The following GRM1 variants were observed in gnomAD, a reference collection of about 807,000 sequenced individuals.
GRM1 encodes the protein glutamate metabotropic receptor 1, also known as metabotropic glutamate receptor 1.
In GRM1, 33 loss-of-function variants were observed where a neutral mutation model predicts 90.9. That is an observed-to-expected ratio of 0.36 (90% CI 0.28 to 0.49). GRM1 has a LOEUF of 0.49. GRM1 is among the 20% of genes least tolerant of loss of function. The pLI is 0.99. For synonymous variants in GRM1, 700 were observed against 613.2 expected (o/e 1.14, Z -2.09); for missense variants, 1,190 against 1,534.3 (o/e 0.78, Z 3.75).
At chr6:146,185,021 C>G (rs1778679112) in intron 2 of GRM1, among the ~76,000 whole-genome samples, 1 of 152,136 alleles carries the variant, frequency 6.6e-6, no homozygotes, top group South Asian at 2.1e-4. Flanking sequence ...CATGTAATAT[C>G]TGGTCAACAA....
rs1778598560 is a variant in GRM1 at position 146,436,514 on chromosome 6, A to G, written c.*1718A>G. 1 of 152,212 alleles carries G rather than the reference A, an allele frequency of 6.6e-6. No homozygotes were observed. The highest frequency in any genetic ancestry group is 6.5e-5 in the Admixed American group (1 of 15,278). 9.4% of individuals were successfully genotyped at this position (152,212 alleles called of 1,614,324 possible). Reference sequence around the variant, plus strand: ...CATACAGTAACATCTAACTCAGCTAATAATTTGTAAAATCTTTATCAATCA... The same window carrying G: ...CATACAGTAACATCTAACTCAGCTAGTAATTTGTAAAATCTTTATCAATCA... On this transcript the variant is annotated 3_prime_UTR_variant, in exon 8 of 8. Coordinates refer to ENST00000282753, the MANE Select transcript of GRM1 (RefSeq NM_001278064.2).
chr6:146,099,732 G>T (rs1478983032), intron 1 of GRM1, among the ~76,000 whole-genome samples: 9 of 152,068 alleles, frequency 5.9e-5, no homozygotes, highest in Admixed American at 5.9e-4. Flanking sequence ...ACTTTAGTTT[G>T]TCCATTCATT....
At chr6:146,245,720 T>C (rs1288501487) in intron 2 of GRM1, among the ~76,000 whole-genome samples, 1 of 152,192 alleles carries the variant, frequency 6.6e-6, no homozygotes, top group Non-Finnish European at 1.5e-5. Context: ...TCATTATAGT[T>C]AAAAGTAAAA....
intron 3 of GRM1, among the ~76,000 whole-genome samples, chr6:146,329,904 G>A (rs969112255): frequency 2.0e-5 from 3 of 152,128 alleles, no homozygotes; most frequent in African/African-American, 2.4e-5. Context: ...ATGTGTACTC[G>A]AAGTCCAGTT....
chr6:146,404,619 A>G (rs1411836207), intron 7 of GRM1, among the ~76,000 whole-genome samples: 3 of 152,220 alleles, frequency 2.0e-5, no homozygotes, highest in Non-Finnish European at 4.4e-5. Context: ...AAAATAACAT[A>G]AGTGAAGATT....
intron 1 of GRM1, among the ~76,000 whole-genome samples, chr6:146,134,451 G>A (rs572974230): frequency 6.6e-6 from 1 of 152,292 alleles, no homozygotes; most frequent in East Asian, 1.9e-4. Context: ...AATTTATAAA[G>A]GAAAGAGTTT....
intron 1 of GRM1, among the ~76,000 whole-genome samples, chr6:146,056,246 A>G (rs759585273): frequency 7.2e-5 from 11 of 152,122 alleles, no homozygotes; most frequent in Non-Finnish European, 1.5e-4. Flanking sequence ...ACAGGGACAC[A>G]CAGGTGAGGC....
chr6:146,165,628 C>T (rs1190174965), intron 2 of GRM1, among the ~76,000 whole-genome samples: 2 of 152,120 alleles, frequency 1.3e-5, no homozygotes, highest in South Asian at 4.1e-4. Flanking sequence ...TATTACAAAC[C>T]TGCAGACAGG....
At chr6:146,032,621 A>G (rs898716452) in intron 1 of GRM1, among the ~76,000 whole-genome samples, 1 of 152,192 alleles carries the variant, frequency 6.6e-6, no homozygotes, top group Non-Finnish European at 1.5e-5. Context: ...AAGACCACAT[A>G]TCAGGGTTGT....
At chr6:146,362,474 T>A (rs1775515863) in intron 5 of GRM1, among the ~76,000 whole-genome samples, 1 of 151,856 alleles carries the variant, frequency 6.6e-6, no homozygotes, top group Admixed American at 6.6e-5. Context: ...GGTCAGGAGA[T>A]CGAGACAATC....
intron 2 of GRM1, among the ~76,000 whole-genome samples, chr6:146,205,959 T>G (rs1779481183): frequency 6.6e-6 from 1 of 152,138 alleles, no homozygotes; most frequent in Non-Finnish European, 1.5e-5. Context: ...GCAGGCAGCA[T>G]CATCATGTTC....
intron 7 of GRM1, among the ~76,000 whole-genome samples, chr6:146,406,455 C>T (rs1235474241): frequency 6.6e-6 from 1 of 152,086 alleles, no homozygotes; most frequent in East Asian, 1.9e-4. Flanking sequence ...GAGGGAAAGC[C>T]TGGAAAGGAA....
chr6:146,316,068 C>A (rs573223403), intron 3 of GRM1, among the ~76,000 whole-genome samples: 1 of 152,242 alleles, frequency 6.6e-6, no homozygotes, highest in East Asian at 1.9e-4. Flanking sequence ...AAGCCTATGA[C>A]GTAACCTCTA....
At chr6:146,124,841 A>T (rs917792675) in intron 1 of GRM1, among the ~76,000 whole-genome samples, 6 of 152,194 alleles carry the variant, frequency 3.9e-5, no homozygotes, top group African/African-American at 1.4e-4. Context: ...GCACTTCTGC[A>T]GGTTGACATT....
Position 146,145,713 on chromosome 6 carries a change from C to G in GRM1, c.701-13635C>G, listed in dbSNP as rs750064479. 3.9e-5 allele frequency among the ~76,000 whole-genome samples: 6 copies of G among 152,156 alleles called. No individual in the cohort carries two copies. In the East Asian group the frequency reaches 1.2e-3, roughly 29 times the overall value. ...ATAGAGGCACTGCAGAGATATCCCA[C>G]TAGAATAATAATGAACAGAAATGTT... is the stretch of plus-strand genomic sequence containing the variant. On this transcript the variant is annotated intron_variant, in intron 1 of 7. Coordinates refer to ENST00000282753, the MANE Select transcript of GRM1 (RefSeq NM_001278064.2).
chr6:146,360,145 G>A (rs376941302), intron 5 of GRM1, among the ~76,000 whole-genome samples: 4 of 152,126 alleles, frequency 2.6e-5, no homozygotes, highest in Admixed American at 2.6e-4. Flanking sequence ...ACATACACTT[G>A]TATTAACTGG....
chr6:146,392,674 A>C (rs878994703), intron 6 of GRM1, among the ~76,000 whole-genome samples: 2 of 152,210 alleles, frequency 1.3e-5, no homozygotes, highest in Non-Finnish European at 2.9e-5. Flanking sequence ...TCCTAAAGCT[A>C]TCCCTCCCTT....
At chr6:146,383,849 G>T (rs1776404267) in intron 5 of GRM1, among the ~76,000 whole-genome samples, 1 of 151,890 alleles carries the variant, frequency 6.6e-6, no homozygotes, top group Non-Finnish European at 1.5e-5. Context: ...TAGAGATGAG[G>T]GATTAACAGA....
chr6:146,335,635 T>C (rs1040471086), intron 3 of GRM1, among the ~76,000 whole-genome samples: 1 of 152,190 alleles, frequency 6.6e-6, no homozygotes, highest in African/African-American at 2.4e-5. Flanking sequence ...TCATTTTTAA[T>C]CTTTAAAGTT....
Sources: gnomAD v4.1 joint callset for allele counts (sites outside exome capture counted in the v4.1 genomes callset) on GRCh38, gnomAD v4.1.1 for gene constraint, MANE v1.5 for transcripts, NCBI Gene and HGNC (gene_info 2026-07-23, HGNC 2026-07-21) for gene names.